UMAD1: variants seen among roughly 807,000 people sequenced by gnomAD.
UMAD1 encodes the protein UBAP1-MVB12-associated (UMA) domain containing 1.
UMAD1 carries 8 observed loss-of-function variants against 6.1 expected under a neutral mutation model. The ratio of observed to expected loss-of-function variants is 1.30; its 90% CI spans 0.76 to 2.35. The LOEUF (loss-of-function observed/expected upper bound fraction) is 2.35, where lower values mean the gene tolerates loss of function less well. Among genes scored for constraint, UMAD1 ranks in the 30% most tolerant of loss-of-function variants. UMAD1 has a pLI of 0.00. For missense variants in UMAD1, 130 were observed against 78.4 expected, an observed-to-expected ratio of 1.66 and a Z score of -2.49; for synonymous variants, 56 against 31.4, an observed-to-expected ratio of 1.78 and a Z score of -2.61.
At chr7:7,815,788 C>A (rs923074614) in intron 3 of UMAD1, among the ~76,000 whole-genome samples, 9 of 152,100 alleles carry the variant, frequency 5.9e-5, no homozygotes, top group Admixed American at 1.3e-4. Context: ...TTTGCTACTA[C>A]CCCCAGAAAA....
At chr7:7,821,165 C>T (rs1349131261) in intron 3 of UMAD1, among the ~76,000 whole-genome samples, 1 of 152,080 alleles carries the variant, frequency 6.6e-6, no homozygotes, top group Non-Finnish European at 1.5e-5. Context: ...GTAATTAAAA[C>T]AAAGCTTTCC....
chr7:7,701,806 C>A (rs1419912417), intron 2 of UMAD1, among the ~76,000 whole-genome samples: 3 of 152,138 alleles, frequency 2.0e-5, no homozygotes, highest in Non-Finnish European at 4.4e-5. Context: ...GCCATTTACC[C>A]ATGTCTCGGA....
intron 2 of UMAD1, among the ~76,000 whole-genome samples, chr7:7,676,365 A>G (rs1779739264): frequency 6.6e-6 from 1 of 152,208 alleles, no homozygotes; most frequent in African/African-American, 2.4e-5. Flanking sequence ...ATCACCATAC[A>G]CAGGCTAGGA....
chr7:7,783,205 A>G (rs1220745777), intron 2 of UMAD1, among the ~76,000 whole-genome samples: 2 of 152,228 alleles, frequency 1.3e-5, no homozygotes, highest in Admixed American at 1.3e-4. Flanking sequence ...CTAAGTTTGT[A>G]AAATGAAACT....
At chr7:7,647,608 A>G (rs1785125292) in intron 1 of UMAD1, among the ~76,000 whole-genome samples, 1 of 152,096 alleles carries the variant, frequency 6.6e-6, no homozygotes, top group South Asian at 2.1e-4. Context: ...CTTTTGCTAT[A>G]TATATACATT....
chr7:7,832,022 CT>C (rs1210918471), intron 3 of UMAD1, among the ~76,000 whole-genome samples: 1 of 152,112 alleles, frequency 6.6e-6, no homozygotes, highest in Non-Finnish European at 1.5e-5. Flanking sequence ...AATTACAGCC[CT>C]GGTAAAACTT....
At chr7:7,656,024 G>A (rs1345190061) in intron 1 of UMAD1, among the ~76,000 whole-genome samples, 3 of 151,932 alleles carry the variant, frequency 2.0e-5, no homozygotes, top group Non-Finnish European at 2.9e-5. Flanking sequence ...TAGTAGAGAC[G>A]GGGTTTCTCC....
At chr7:7,870,010 C>T (rs61398953) in intron 3 of UMAD1, among the ~76,000 whole-genome samples, 1 of 152,126 alleles carries the variant, frequency 6.6e-6, no homozygotes, top group Non-Finnish European at 1.5e-5. Flanking sequence ...TTACACCCCT[C>T]TGCAAGAAAG....
chr7:7,686,693 T>C (rs1417632358), intron 2 of UMAD1, among the ~76,000 whole-genome samples: 1 of 152,202 alleles, frequency 6.6e-6, no homozygotes, highest in African/African-American at 2.4e-5. Context: ...CTTCTTTAGC[T>C]TCACTGTGAT....
intron 1 of UMAD1, among the ~76,000 whole-genome samples, chr7:7,660,096 T>C (rs1033544036): frequency 6.6e-6 from 1 of 152,232 alleles, no homozygotes; most frequent in Non-Finnish European, 1.5e-5. Flanking sequence ...GTTTAAAGTC[T>C]GTTTTATCAG....
At chr7:7,718,351 G>A (rs898456383) in intron 2 of UMAD1, among the ~76,000 whole-genome samples, 1 of 152,192 alleles carries the variant, frequency 6.6e-6, no homozygotes, top group Non-Finnish European at 1.5e-5. Context: ...GGCATGGGTT[G>A]TCTGTTCTTA....
intron 3 of UMAD1, among the ~76,000 whole-genome samples, chr7:7,872,952 G>T (rs142354099): frequency 5.6e-4 from 85 of 152,330 alleles, no homozygotes; most frequent in African/African-American, 1.9e-3. Context: ...AACTACCAGT[G>T]AGTGTCAAAA....
intron 2 of UMAD1, among the ~76,000 whole-genome samples, chr7:7,770,813 G>C (rs909278658): frequency 6.6e-6 from 1 of 152,186 alleles, no homozygotes; most frequent in Non-Finnish European, 1.5e-5. Flanking sequence ...TCGTCTGGAA[G>C]TGTTGAGGTG....
chr7:7,761,955 C>T (rs867682434), intron 2 of UMAD1, among the ~76,000 whole-genome samples: 3 of 152,048 alleles, frequency 2.0e-5, no homozygotes, highest in African/African-American at 4.8e-5. Flanking sequence ...ATACAGTGGG[C>T]GCTCAATAAA....
chr7:7,694,201 A>T (rs1780249236), intron 2 of UMAD1, among the ~76,000 whole-genome samples: 1 of 152,064 alleles, frequency 6.6e-6, no homozygotes, highest in Admixed American at 6.6e-5. Context: ...GTGATAATTG[A>T]GTATCTTTTC....
At chr7:7,862,680 C>A (rs147569880) in intron 3 of UMAD1, among the ~76,000 whole-genome samples, 2 of 152,286 alleles carry the variant, frequency 1.3e-5, no homozygotes, top group East Asian at 3.9e-4. Flanking sequence ...GTAGATTTAA[C>A]CTAGTAATAA....
At chr7:7,742,597 T>C in intron 2 of UMAD1, 1 of 491,246 alleles carries the variant, frequency 2.0e-6, no homozygotes, top group Non-Finnish European at 4.0e-6. Flanking sequence ...TCTAGAAGGA[T>C]TAAAGGATGA....
At chr7:7,732,654 T>G (rs1047994661) in intron 2 of UMAD1, among the ~76,000 whole-genome samples, 2 of 152,202 alleles carry the variant, frequency 1.3e-5, no homozygotes, top group Non-Finnish European at 2.9e-5. Context: ...CCGAGTGATT[T>G]CATAAATTGC....
At chr7:7,754,991 T>C (rs975054843) in intron 2 of UMAD1, among the ~76,000 whole-genome samples, 1 of 152,206 alleles carries the variant, frequency 6.6e-6, no homozygotes, top group African/African-American at 2.4e-5. Context: ...TTCATACAGC[T>C]GCTGGGGTGA....
Sources: allele counts gnomAD v4.1 joint callset (sites outside exome capture counted in the v4.1 genomes callset), GRCh38; gene constraint gnomAD v4.1.1; transcripts MANE v1.5; gene names NCBI Gene and HGNC (gene_info 2026-07-23, HGNC 2026-07-21).